NEDD9: variants seen among roughly 807,000 people sequenced by gnomAD.
NEDD9 encodes enhancer of filamentation 1.
NEDD9 carries 26 observed loss-of-function variants against 76.6 expected under a neutral mutation model. The observed-to-expected ratio is 0.34, with a 90% confidence interval of 0.25 to 0.47. NEDD9 has a LOEUF of 0.47. Ranked by LOEUF, NEDD9 falls within the 20% of genes least tolerant of loss-of-function variation. The pLI is 1.00. For synonymous variants in NEDD9, 392 were observed against 414.2 expected, an observed-to-expected ratio of 0.95 and a Z score of 0.65; for missense variants, 937 against 1,058.5, an observed-to-expected ratio of 0.89 and a Z score of 1.59.
upstream of NEDD9, among the ~76,000 whole-genome samples, chr6:11,235,786 C>T (rs958513749): frequency 4.6e-5 from 7 of 152,112 alleles, no homozygotes; most frequent in African/African-American, 1.7e-4. The surrounding 1 kb of genome is among the most constrained non-coding windows in gnomAD (Gnocchi z 4.1). Flanking sequence ...TGTGTCTAAG[C>T]GCAGCAAGCT....
intron 3 of NEDD9, among the ~76,000 whole-genome samples, chr6:11,255,424 A>G (rs56768988): frequency 0.17 from 26,329 of 152,190 alleles, 2,731 homozygotes; most frequent in African/African-American, 0.28. Flanking sequence ...GTGGTGTATG[A>G]GGCATGATCT....
chr6:11,338,847 G>T (rs368525646), intron 1 of NEDD9, among the ~76,000 whole-genome samples: 2 of 151,552 alleles, frequency 1.3e-5, no homozygotes, highest in African/African-American at 4.9e-5. Context: ...GCTTGAACCT[G>T]GGAGGCAGAA....
In NEDD9 at chr6:11,305,825, A is replaced by G. The variant is rs1004809872; in HGVS notation, c.12+167T>C. ...GTGCATCCATGTAAAAAATTCACCT[A>G]ACAGCAAAATCTGGCAGTCTAAACT... is the stretch of plus-strand genomic sequence containing the variant. On this transcript the variant is annotated intron_variant, in intron 3 of 3. Coordinates refer to the NEDD9 transcript ENST00000397378. 9 of 782,580 alleles carry G rather than the reference A, an allele frequency of 1.2e-5. No homozygotes were observed. The African/African-American group carries it at 1.4e-4, about 12-fold the overall frequency. The allele number at this position is 782,580 out of a possible 1,614,324, so 48.5% of individuals were successfully genotyped here. A position where few individuals can be genotyped will look rare whatever the true frequency, so the allele number is the denominator to read the frequency against.
upstream of NEDD9, among the ~76,000 whole-genome samples, chr6:11,234,603 C>T (rs543340259): frequency 1.1e-4 from 16 of 152,176 alleles, no homozygotes; most frequent in Middle Eastern, 6.8e-3. Flanking sequence ...GTAATCTACC[C>T]GAAGTTCATT....
intron 3 of NEDD9, among the ~76,000 whole-genome samples, chr6:11,260,048 G>A (rs1424476813): frequency 6.6e-6 from 1 of 151,912 alleles, no homozygotes; most frequent in African/African-American, 2.4e-5. Context: ...TCATTCACTT[G>A]GCTTATAGCA....
In NEDD9 at chr6:11,347,019, C is replaced by T. The variant is rs535252164; in HGVS notation, c.-213-12458G>A. Among the ~76,000 whole-genome samples, 10 of 152,210 alleles carry T rather than the reference C, an allele frequency of 6.6e-5. No individual in the cohort carries two copies. In the South Asian group the frequency reaches 2.1e-3, roughly 32 times the overall value. On this transcript the variant is annotated intron_variant, in intron 1 of 3. Coordinates refer to the NEDD9 transcript ENST00000397378. The stretch of plus-strand genomic sequence containing the variant: ...CTCCATGGGCTAAGAGGCCCCAAAG[C>T]ACAACTCACCAGCCTGCTCTCCTCA...
chr6:11,249,770 G>A (rs1486925569), intron 3 of NEDD9, among the ~76,000 whole-genome samples: 2 of 152,224 alleles, frequency 1.3e-5, no homozygotes, highest in Non-Finnish European at 2.9e-5. Context: ...ATAGACCTCT[G>A]CTCATGGTAG....
At chr6:11,200,020 T>C (rs992078389) in intron 2 of NEDD9, 1 of 189,988 alleles carries the variant, frequency 5.3e-6, no homozygotes, top group African/African-American at 2.4e-5. Context: ...AATAAAGAAT[T>C]ACTAGGTCAA....
intron 2 of NEDD9, among the ~76,000 whole-genome samples, chr6:11,206,458 A>G (rs1415515825): frequency 1.3e-5 from 2 of 152,214 alleles, no homozygotes; most frequent in African/African-American, 2.4e-5. Context: ...AATATTGTTT[A>G]TCATGAAATT....
intron 3 of NEDD9, among the ~76,000 whole-genome samples, chr6:11,260,398 G>A (rs1473057753): frequency 6.6e-6 from 1 of 152,106 alleles, no homozygotes; most frequent in African/African-American, 2.4e-5. Flanking sequence ...GTCACATTAG[G>A]GTGTGTGCCT....
intron 1 of NEDD9, among the ~76,000 whole-genome samples, chr6:11,373,483 T>C (rs1404882891): frequency 6.6e-6 from 1 of 152,138 alleles, no homozygotes; most frequent in African/African-American, 2.4e-5. Flanking sequence ...CAGTGCTTCT[T>C]GAAGGCATGA....
chr6:11,211,185 T>A (rs1751851683), intron 2 of NEDD9, among the ~76,000 whole-genome samples: 1 of 152,098 alleles, frequency 6.6e-6, no homozygotes, highest in Admixed American at 6.5e-5. Flanking sequence ...GGAATGTGAG[T>A]GCCCGAGGGT....
chr6:11,233,457 A>G (rs1001334469), upstream of NEDD9: 11 of 518,746 alleles, frequency 2.1e-5, no homozygotes, highest in Admixed American at 1.4e-4. Context: ...CCTATACATC[A>G]TCACCGTCCA....
At chr6:11,263,560 G>C (rs1760152296) in intron 3 of NEDD9, among the ~76,000 whole-genome samples, 1 of 152,232 alleles carries the variant, frequency 6.6e-6, no homozygotes, top group Non-Finnish European at 1.5e-5. Flanking sequence ...ATGGCAGAGA[G>C]AAACGTCTTG....
At chr6:11,197,012 G>GCGTGACATAAGTACACAAAAACCTT (rs1758310196) in intron 2 of NEDD9, among the ~76,000 whole-genome samples, 1 of 152,038 alleles carries the variant, frequency 6.6e-6, no homozygotes, top group Admixed American at 6.5e-5. Context: ...TTTTCTTGCT[G>GCGTGACATAAGTACACAAAAACCTT]CGTGACATAA....
intron 1 of NEDD9, among the ~76,000 whole-genome samples, chr6:11,345,986 C>T (rs753583589): frequency 6.6e-6 from 1 of 152,196 alleles, no homozygotes. Context: ...AGGTACTCTG[C>T]CCCCAGGACC....
At chr6:11,196,299 GTC>G (rs1352232792) in intron 2 of NEDD9, among the ~76,000 whole-genome samples, 2 of 152,132 alleles carry the variant, frequency 1.3e-5, no homozygotes, top group East Asian at 3.8e-4. Context: ...GAGAGACTCT[GTC>G]TCAAAACAAA....
chr6:11,211,009 T>C lies in NEDD9; in HGVS notation c.459+2272A>G, dbSNP rs918073567. On this transcript the variant is annotated intron_variant, in intron 2 of 6. Transcript: ENST00000379446. ...ATGTCACTACCCCAGACCCTGACTG[T>C]GTGATGCTTTAGGCACGGCCTACTC... Among the ~76,000 whole-genome samples, 12 of 152,302 alleles carry C rather than the reference T, an allele frequency of 7.9e-5. No homozygotes were observed. The East Asian group carries it at 2.3e-3, about 29-fold the overall frequency.
At chr6:11,211,586 T>C (rs1758789919) in intron 2 of NEDD9, among the ~76,000 whole-genome samples, 1 of 152,174 alleles carries the variant, frequency 6.6e-6, no homozygotes, top group Non-Finnish European at 1.5e-5. Context: ...TTTTCCCCTC[T>C]GGAGATAGAA....
Sources: allele counts gnomAD v4.1 joint callset (sites outside exome capture counted in the v4.1 genomes callset), GRCh38; gene constraint gnomAD v4.1.1; non-coding constraint Gnocchi (gnomAD v3.1); transcripts MANE v1.5; gene names NCBI Gene and HGNC (gene_info 2026-07-23, HGNC 2026-07-21).